The following LOXHD1 variants were observed in gnomAD, a reference collection of about 807,000 sequenced individuals.
LOXHD1 encodes the protein lipoxygenase homology domain-containing protein 1.
A neutral mutation model predicts 248.2 loss-of-function variants in LOXHD1; 205 were observed. The ratio of observed to expected loss-of-function variants is 0.83; its 90% CI spans 0.74 to 0.93. The LOEUF (loss-of-function observed/expected upper bound fraction) is 0.93, where lower values mean the gene tolerates loss of function less well. Among genes scored for constraint, LOXHD1 ranks in the 40% least tolerant of loss-of-function variants. The pLI is 0.00. For synonymous variants in LOXHD1, 1,113 were observed against 1,162.8 expected (o/e 0.96, Z 0.87); for missense variants, 2,930 against 2,971.6 (o/e 0.99, Z 0.33).
chr18:46,593,491 T>G, intron 10 of LOXHD1, 109 bp downstream of exon 10: 1 of 1,271,032 alleles, frequency 7.9e-7, no homozygotes, highest in Non-Finnish European at 1.1e-6. Flanking sequence ...CGTACATTTT[T>G]GTCTTCAAAC....
At chr18:46,641,205 T>C (rs2038959022) in intron 3 of LOXHD1, among the ~76,000 whole-genome samples, 1 of 152,222 alleles carries the variant, frequency 6.6e-6, no homozygotes, top group African/African-American at 2.4e-5. Flanking sequence ...TATTGTATTT[T>C]CTAGCAGAAG....
intron 38 of LOXHD1, among the ~76,000 whole-genome samples, chr18:46,487,371 C>T (rs1180320157): frequency 6.6e-6 from 1 of 152,214 alleles, no homozygotes; most frequent in Non-Finnish European, 1.5e-5. Flanking sequence ...GGGAAGATTC[C>T]ATGTCACATT....
At chr18:46,482,287 G>T (rs1396396095) in intron 40 of LOXHD1, among the ~76,000 whole-genome samples, 2 of 152,148 alleles carry the variant, frequency 1.3e-5, no homozygotes, top group East Asian at 3.9e-4. Context: ...GGAGATGGGG[G>T]ACTTCAAGAG....
intron 5 of LOXHD1, among the ~76,000 whole-genome samples, chr18:46,611,623 T>C (rs2038509674): frequency 2.0e-5 from 3 of 152,200 alleles, no homozygotes; most frequent in South Asian, 4.1e-4. Flanking sequence ...CTGTGTTCTT[T>C]CTTTTTAATT....
intron 37 of LOXHD1, among the ~76,000 whole-genome samples, chr18:46,494,417 T>G (rs1598840581): frequency 6.6e-6 from 1 of 152,214 alleles, no homozygotes; most frequent in African/African-American, 2.4e-5. Context: ...AGCAACTCCA[T>G]TCTTGACAAT....
At chr18:46,531,288 A>G (rs2036055613) in intron 28 of LOXHD1, among the ~76,000 whole-genome samples, 2 of 152,098 alleles carry the variant, frequency 1.3e-5, no homozygotes, top group Admixed American at 6.5e-5. Context: ...CACACACTAC[A>G]TTAATAAAGA....
chr18:46,608,045 G>GAAGT, intron 6 of LOXHD1, among the ~76,000 whole-genome samples: 1 of 146,104 alleles, frequency 6.8e-6, no homozygotes, highest in Admixed American at 6.9e-5. Flanking sequence ...GGGAAGGAAG[G>GAAGT]AAGGAAGGAA....
intron 4 of LOXHD1, among the ~76,000 whole-genome samples, chr18:46,636,464 AC>A (rs574213063): frequency 8.1e-4 from 124 of 152,310 alleles, no homozygotes; most frequent in African/African-American, 3.0e-3. Context: ...CCTCCACTCG[AC>A]GAGGATCTGC....
chr18:46,499,840 G>C (rs888844864), intron 37 of LOXHD1, among the ~76,000 whole-genome samples: 5 of 152,176 alleles, frequency 3.3e-5, no homozygotes, highest in Non-Finnish European at 5.9e-5. Flanking sequence ...CTAGAAATTT[G>C]CTAGGGAGAA....
intron 6 of LOXHD1, among the ~76,000 whole-genome samples, chr18:46,609,385 A>G (rs777296869): frequency 1.3e-5 from 2 of 152,248 alleles, no homozygotes; most frequent in African/African-American, 4.8e-5. Flanking sequence ...TGATCCTTGC[A>G]GCCAAATATT....
At chr18:46,633,472 C>T (rs1454380829) in intron 4 of LOXHD1, among the ~76,000 whole-genome samples, 2 of 152,156 alleles carry the variant, frequency 1.3e-5, no homozygotes, top group Non-Finnish European at 2.9e-5. Context: ...AAATTTCACT[C>T]AAAATGGACC....
At chr18:46,596,716 A>G (rs2038261908) in intron 8 of LOXHD1, among the ~76,000 whole-genome samples, 1 of 152,176 alleles carries the variant, frequency 6.6e-6, no homozygotes, top group African/African-American at 2.4e-5. Flanking sequence ...ATGTAGACAT[A>G]TTGAGGAGAA....
intron 28 of LOXHD1, among the ~76,000 whole-genome samples, chr18:46,530,596 TC>T (rs2144236305): frequency 6.6e-6 from 1 of 152,192 alleles, no homozygotes; most frequent in South Asian, 2.1e-4. Flanking sequence ...GGGATTCCCC[TC>T]CCTGCCGTGA....
rs140904207 is a variant in LOXHD1 at position 46,560,373 on chromosome 18, C to G, written c.2771G>C (p.Arg924Pro). 1.7e-5 allele frequency: 26 copies of G among 1,552,460 alleles called. No individual in the cohort carries two copies. The highest frequency in any genetic ancestry group is 4.1e-5 in the African/African-American group (3 of 73,124). Residue 924 changes from arginine to proline, a missense_variant, in exon 19 of 41, where the codon CGG (arginine) becomes CCG (proline). Coordinates refer to ENST00000642948, the MANE Select transcript of LOXHD1 (RefSeq NM_001384474.1). ...CAGCCGCTCCTTCTTGAGCAGCTGCCGCAGCTTGTCCTTCTCCTTCTTCTT... is the reference window on the plus strand; with the variant it reads ...CAGCCGCTCCTTCTTGAGCAGCTGCGGCAGCTTGTCCTTCTCCTTCTTCTT... ...ARKKKEKDKL[R>P]QLLKKERLKA...
At chr18:46,557,329 C>T (rs767648301) in intron 21 of LOXHD1, 27 bp downstream of exon 21, 3 of 1,552,284 alleles carry the variant, frequency 1.9e-6, no homozygotes, top group Non-Finnish European at 8.7e-7. Context: ...AGCAACACCC[C>T]TCCCTGCCCA....
chr18:46,632,074 C>T (rs2038831738), intron 4 of LOXHD1, among the ~76,000 whole-genome samples: 2 of 152,188 alleles, frequency 1.3e-5, no homozygotes, highest in Non-Finnish European at 1.5e-5. Context: ...TGGGGAGGCA[C>T]TCTGTGCTGC....
chr18:46,651,546 T>C (rs1411352469), intron 1 of LOXHD1, among the ~76,000 whole-genome samples: 1 of 151,316 alleles, frequency 6.6e-6, no homozygotes, highest in Non-Finnish European at 1.5e-5. Context: ...ATGCTTGGTT[T>C]GGAGAAAAGG....
intron 5 of LOXHD1, among the ~76,000 whole-genome samples, chr18:46,613,927 T>C (rs1302124620): frequency 6.6e-6 from 1 of 152,240 alleles, no homozygotes; most frequent in African/African-American, 2.4e-5. Flanking sequence ...ATCAATTTGG[T>C]GTGCTAATAT....
intron 4 of LOXHD1, among the ~76,000 whole-genome samples, chr18:46,624,494 C>T (rs975851812): frequency 6.6e-6 from 1 of 152,198 alleles, no homozygotes; most frequent in Admixed American, 6.5e-5. Context: ...GGCCACCGAC[C>T]AATGGATTCC....
Sources: gnomAD v4.1 joint callset for allele counts (sites outside exome capture counted in the v4.1 genomes callset) on GRCh38, gnomAD v4.1.1 for gene constraint, MANE v1.5 for transcripts, NCBI Gene and HGNC (gene_info 2026-07-23, HGNC 2026-07-21) for gene names.